GABRB1: variants seen among roughly 807,000 people sequenced by gnomAD.
The protein encoded by GABRB1 is gamma-aminobutyric acid receptor subunit beta-1.
In GABRB1, 17 loss-of-function variants were observed where a neutral mutation model predicts 51.6. The observed-to-expected ratio is 0.33, with a 90% CI of 0.23 to 0.49. The LOEUF (loss-of-function observed/expected upper bound fraction) is 0.49. Among genes scored for constraint, GABRB1 ranks in the 20% least tolerant of loss-of-function variants. GABRB1 has a pLI of 0.99. For missense variants in GABRB1, 410 were observed against 600.6 expected (o/e 0.68, Z 3.32); for synonymous variants, 247 against 218.9 (o/e 1.13, Z -1.14).
intron 4 of GABRB1, among the ~76,000 whole-genome samples, chr4:47,168,195 C>T (rs962056049): frequency 6.6e-6 from 1 of 152,082 alleles, no homozygotes; most frequent in East Asian, 1.9e-4. Context: ...ATGCTTAATG[C>T]TCACCTATAT....
intron 3 of GABRB1, among the ~76,000 whole-genome samples, chr4:47,097,324 T>G (rs1251444372): frequency 6.6e-6 from 1 of 152,156 alleles, no homozygotes; most frequent in African/African-American, 2.4e-5. Flanking sequence ...TAGGACTCTG[T>G]GCTTGGTGTC....
intron 5 of GABRB1, among the ~76,000 whole-genome samples, chr4:47,345,756 G>T (rs1309914866): frequency 6.6e-6 from 1 of 152,142 alleles, no homozygotes; most frequent in Non-Finnish European, 1.5e-5. Flanking sequence ...CGGACCTCAT[G>T]TCACTGGTTA....
chr4:47,008,444 G>A (rs1402329454), intron 1 of GABRB1, among the ~76,000 whole-genome samples: 3 of 151,432 alleles, frequency 2.0e-5, no homozygotes, highest in Non-Finnish European at 4.4e-5. Context: ...TATCATTTCA[G>A]GAAAAAATAA....
chr4:47,242,936 G>A (rs761062295), intron 4 of GABRB1, among the ~76,000 whole-genome samples: 28 of 152,094 alleles, frequency 1.8e-4, no homozygotes, highest in Admixed American at 7.9e-4. Flanking sequence ...ATTGCTTTTC[G>A]TGTTTTAGAC....
chr4:47,277,748 G>A (rs977835283), intron 4 of GABRB1, among the ~76,000 whole-genome samples: 3 of 151,898 alleles, frequency 2.0e-5, no homozygotes, highest in Non-Finnish European at 2.9e-5. Context: ...ACAATTTATT[G>A]CAGGTATTTC....
rs1015493565 is a variant in GABRB1 at position 47,336,705 on chromosome 4, A to C, written c.544+16496A>C. Among the ~76,000 whole-genome samples the C allele has an allele frequency of 3.3e-5, 5 of 152,352 alleles. No individual in the cohort carries two copies. In the South Asian group the frequency reaches 6.2e-4, roughly 19 times the overall value. On this transcript the variant is annotated intron_variant, in intron 5 of 8. Transcript: ENST00000295454. ...TCCCTGATAGTGCAAGTTGGATGAC[A>C]ACTGATAACTGACAATTGGATTTAG...
intron 4 of GABRB1, among the ~76,000 whole-genome samples, chr4:47,173,965 A>G (rs180827513): frequency 2.0e-4 from 30 of 152,240 alleles, no homozygotes; most frequent in African/African-American, 6.0e-4. Context: ...ACTTTATATC[A>G]CAACTATTGT....
chr4:47,342,342 A>G (rs779954259), intron 5 of GABRB1, among the ~76,000 whole-genome samples: 9 of 152,284 alleles, frequency 5.9e-5, no homozygotes, highest in Non-Finnish European at 1.2e-4. Flanking sequence ...GGAATAGATC[A>G]GGGATTTATT....
At chr4:47,074,454 C>T (rs911778827) in intron 3 of GABRB1, among the ~76,000 whole-genome samples, 3 of 152,108 alleles carry the variant, frequency 2.0e-5, no homozygotes, top group Non-Finnish European at 2.9e-5. Context: ...AATTGCCTGG[C>T]ACAGAAGTGG....
intron 3 of GABRB1, among the ~76,000 whole-genome samples, chr4:47,111,556 T>A (rs1049576928): frequency 2.5e-4 from 38 of 152,094 alleles, no homozygotes; most frequent in African/African-American, 8.9e-4. Context: ...GTGTCAAAAA[T>A]ACATCCTTAT....
chr4:47,156,603 G>C (rs1478028956), intron 3 of GABRB1, among the ~76,000 whole-genome samples: 2 of 152,016 alleles, frequency 1.3e-5, no homozygotes, highest in Non-Finnish European at 2.9e-5. Flanking sequence ...CTCCAAAAGA[G>C]TGACTTTTGT....
intron 5 of GABRB1, among the ~76,000 whole-genome samples, chr4:47,328,295 G>C (rs1411364455): frequency 6.6e-6 from 1 of 152,180 alleles, no homozygotes; most frequent in South Asian, 2.1e-4. Context: ...TTCTTTTGCT[G>C]TGCAGAAGCT....
rs1386236920 is a variant in GABRB1, at chr4:47,291,821, TA to T, written c.462-28305del. Among the ~76,000 whole-genome samples, 16 of 152,220 alleles carry T rather than the reference TA, an allele frequency of 1.1e-4. 1 individual carries two copies. The highest frequency in any genetic ancestry group is 9.8e-4 in the Admixed American group (15 of 15,284). On this transcript the variant is annotated intron_variant, in intron 4 of 8. Transcript: ENST00000295454. ...AATGGGTGTATTTATCCAATGCCTG[TA>T]CCCCCCACTGTATCTAGGAAATAAC... is the stretch of plus-strand genomic sequence containing the variant.
chr4:47,110,497 G>A (rs1715171530), intron 3 of GABRB1, among the ~76,000 whole-genome samples: 1 of 152,128 alleles, frequency 6.6e-6, no homozygotes, highest in African/African-American at 2.4e-5. Context: ...CAAAAAATAT[G>A]TTTGTCAAAT....
chr4:47,046,539 C>T (rs973110891), intron 3 of GABRB1, among the ~76,000 whole-genome samples: 1 of 151,948 alleles, frequency 6.6e-6, no homozygotes, highest in Non-Finnish European at 1.5e-5. Flanking sequence ...TCATAATTGA[C>T]CACTAATGGC....
At chr4:47,069,994 T>C (rs1363378375) in intron 3 of GABRB1, among the ~76,000 whole-genome samples, 1 of 151,910 alleles carries the variant, frequency 6.6e-6, no homozygotes, top group African/African-American at 2.4e-5. Flanking sequence ...TCAGTGAAAA[T>C]ATTGCACTTG....
intron 5 of GABRB1, among the ~76,000 whole-genome samples, chr4:47,330,458 A>G (rs1295281396): frequency 6.6e-6 from 1 of 152,218 alleles, no homozygotes; most frequent in African/African-American, 2.4e-5. Context: ...TGCTGGTGAT[A>G]TAGCAGCAAC....
At chr4:47,233,121 C>G (rs1388526814) in intron 4 of GABRB1, among the ~76,000 whole-genome samples, 1 of 152,136 alleles carries the variant, frequency 6.6e-6, no homozygotes, top group Non-Finnish European at 1.5e-5. Context: ...GGCAGTCCGC[C>G]TGCCTTGGCC....
chr4:47,274,229 C>A (rs1351572163), intron 4 of GABRB1, among the ~76,000 whole-genome samples: 4 of 152,076 alleles, frequency 2.6e-5, no homozygotes, highest in Non-Finnish European at 4.4e-5. Flanking sequence ...AAAACAATAT[C>A]ATCTAATAGG....
Sources: gnomAD v4.1 joint callset for allele counts (sites outside exome capture counted in the v4.1 genomes callset) on GRCh38, gnomAD v4.1.1 for gene constraint, MANE v1.5 for transcripts, NCBI Gene and HGNC (gene_info 2026-07-23, HGNC 2026-07-21) for gene names.